MBNL1: variants seen among roughly 807,000 people sequenced by gnomAD.
The protein encoded by MBNL1 is muscleblind like splicing regulator 1, also known as muscleblind-like protein 1.
MBNL1 carries 8 observed loss-of-function variants against 42.2 expected under a neutral mutation model. The ratio of observed to expected loss-of-function variants is 0.19; its 90% CI spans 0.11 to 0.34. MBNL1 has a LOEUF of 0.34. Ranked by LOEUF, MBNL1 falls within the 10% of genes least tolerant of loss-of-function variation. MBNL1 has a pLI of 1.00. For missense variants in MBNL1, 309 were observed against 495.3 expected (o/e 0.62, Z 3.57); for synonymous variants, 169 against 173.9 (o/e 0.97, Z 0.22).
intron 3 of MBNL1, among the ~76,000 whole-genome samples, 172 bp from the exon 4 acceptor site, chr3:152,432,541 GTTTA>G (rs1456140112): frequency 2.0e-5 from 3 of 152,072 alleles, no homozygotes; most frequent in Non-Finnish European, 2.9e-5. Flanking sequence ...TTTGATGAAT[GTTTA>G]TTTAATAAAA....
At chr3:152,403,625 C>T (rs1188029447) in intron 2 of MBNL1, among the ~76,000 whole-genome samples, 1 of 152,010 alleles carries the variant, frequency 6.6e-6, no homozygotes, top group Admixed American at 6.6e-5. Context: ...TGGGGAACTG[C>T]CCTAGAAAAC....
chr3:152,454,150 A>C (rs1729021447), intron 6 of MBNL1, among the ~76,000 whole-genome samples: 1 of 152,186 alleles, frequency 6.6e-6, no homozygotes, highest in African/African-American at 2.4e-5. Flanking sequence ...GAGATCTTCA[A>C]GTGTCTTAAT....
At chr3:152,427,913 CCTCT>C (rs1460737262) in intron 3 of MBNL1, among the ~76,000 whole-genome samples, 4 of 150,808 alleles carry the variant, frequency 2.7e-5, no homozygotes, top group South Asian at 2.1e-4. Context: ...ACATATACTC[CCTCT>C]ATTTTTTTTT....
intron 2 of MBNL1, among the ~76,000 whole-genome samples, chr3:152,410,125 A>G (rs1396685419): frequency 6.6e-6 from 1 of 152,054 alleles, no homozygotes; most frequent in Admixed American, 6.6e-5. Context: ...GTTTATATAT[A>G]TACTATATTT....
At chr3:152,373,372 G>T (rs1180917219) in intron 2 of MBNL1, among the ~76,000 whole-genome samples, 1 of 146,748 alleles carries the variant, frequency 6.8e-6, no homozygotes, top group East Asian at 2.0e-4. Flanking sequence ...AAAACCTTCT[G>T]CAGCTAGCTT....
intron 2 of MBNL1, 85 bp from the exon 3 acceptor site, chr3:152,414,856 A>C: frequency 7.5e-7 from 1 of 1,334,682 alleles, no homozygotes; most frequent in Non-Finnish European, 1.1e-6. Flanking sequence ...GATACATTCA[A>C]GTGGGTGGTT....
At chr3:152,425,333 C>G (rs935473865) in intron 3 of MBNL1, among the ~76,000 whole-genome samples, 1 of 151,690 alleles carries the variant, frequency 6.6e-6, no homozygotes, top group Non-Finnish European at 1.5e-5. Flanking sequence ...TAGAGAAATG[C>G]AAATCAGGGT....
chr3:152,401,171 C>T (rs1263939517), intron 2 of MBNL1, among the ~76,000 whole-genome samples: 1 of 152,182 alleles, frequency 6.6e-6, no homozygotes, highest in Non-Finnish European at 1.5e-5. Flanking sequence ...GTCTCTTATT[C>T]ATTCTACAAA....
chr3:152,460,582 T>C lies in MBNL1; in HGVS notation c.*18+1237T>C, dbSNP rs370108951. On this transcript the variant is annotated intron_variant, in intron 9 of 9. Coordinates refer to ENST00000324210, the MANE Select transcript of MBNL1 (RefSeq NM_021038.5). ...ATACATATGTAACTAACCTGCACAA[T>C]GTGCACATGTACCCTAAAACTTAAA... 6.2e-4 allele frequency among the ~76,000 whole-genome samples: 93 copies of C among 149,356 alleles called. No individual in the cohort carries two copies. In the South Asian group the frequency reaches 0.019, roughly 31 times the overall value.
chr3:152,294,206 A>G (rs1440215965), intron 1 of MBNL1, among the ~76,000 whole-genome samples: 1 of 151,582 alleles, frequency 6.6e-6, no homozygotes, highest in African/African-American at 2.4e-5. Flanking sequence ...AAGAAACTAT[A>G]GCGTTTGGAA....
chr3:152,458,061 T>C, intron 8 of MBNL1: 1 of 1,326,756 alleles, frequency 7.5e-7, no homozygotes, highest in Non-Finnish European at 1.1e-6. Context: ...CCTGCATGCA[T>C]GCAGAAGTTT....
At chr3:152,301,031 G>A in intron 2 of MBNL1, 1 of 474,022 alleles carries the variant, frequency 2.1e-6, no homozygotes, top group Non-Finnish European at 2.8e-6. Flanking sequence ...GATTTTTCCA[G>A]CTTCAAAAAT....
At chr3:152,446,577 T>A in intron 5 of MBNL1, 2 of 663,494 alleles carry the variant, frequency 3.0e-6, no homozygotes, top group Non-Finnish European at 2.7e-6. Context: ...GTTTTTTTAT[T>A]TGTTTTTTCT....
chr3:152,340,845 T>C, intron 2 of MBNL1: 2 of 1,613,890 alleles, frequency 1.2e-6, no homozygotes, highest in Non-Finnish European at 1.7e-6. Context: ...AAGCAGCCAG[T>C]GCTGCATAGA....
At chr3:152,387,811 ATAAG>A (rs1409812978) in intron 2 of MBNL1, among the ~76,000 whole-genome samples, 2 of 152,158 alleles carry the variant, frequency 1.3e-5, no homozygotes, top group African/African-American at 2.4e-5. Context: ...ATTTATAAAT[ATAAG>A]TATGTGTACA....
chr3:152,418,211 T>G (rs1038025805), intron 3 of MBNL1, among the ~76,000 whole-genome samples: 1 of 152,190 alleles, frequency 6.6e-6, no homozygotes, highest in African/African-American at 2.4e-5. Flanking sequence ...AATTTAGAGA[T>G]AGACTGAGAA....
intron 2 of MBNL1, among the ~76,000 whole-genome samples, chr3:152,407,981 G>T (rs956690354): frequency 2.6e-5 from 4 of 151,978 alleles, no homozygotes; most frequent in African/African-American, 9.7e-5. Flanking sequence ...TGTTGGGGAG[G>T]GCGAGGCAAG....
chr3:152,408,129 A>G (rs1359130332), intron 2 of MBNL1, among the ~76,000 whole-genome samples: 1 of 152,188 alleles, frequency 6.6e-6, no homozygotes, highest in Non-Finnish European at 1.5e-5. Context: ...CATCCTGCAC[A>G]GGTACCCCAG....
At chr3:152,260,756 C>A (rs2036118959) in intron 2 of MBNL1, among the ~76,000 whole-genome samples, 1 of 152,168 alleles carries the variant, frequency 6.6e-6, no homozygotes, top group Non-Finnish European at 1.5e-5. Flanking sequence ...TTTGTCTTAT[C>A]TGTTTTTAAT....
Sources: allele counts gnomAD v4.1 joint callset (sites outside exome capture counted in the v4.1 genomes callset), GRCh38; gene constraint gnomAD v4.1.1; transcripts MANE v1.5; gene names NCBI Gene and HGNC (gene_info 2026-07-23, HGNC 2026-07-21).